DCDC1: variants seen among roughly 807,000 people sequenced by gnomAD.
The protein encoded by DCDC1 is doublecortin domain containing 1.
DCDC1 carries 200 observed loss-of-function variants against 178.3 expected under a neutral mutation model. The observed-to-expected ratio is 1.12, with a 90% CI of 1.00 to 1.26. The LOEUF is 1.26. Ranked by LOEUF, DCDC1 falls within the 50% of genes most tolerant of loss-of-function variation. DCDC1 has a pLI of 0.00. For synonymous variants in DCDC1, 690 were observed against 604.8 expected (o/e 1.14, Z -2.07); for missense variants, 1,983 against 1,749.2 (o/e 1.13, Z -2.38).
intron 21 of DCDC1, among the ~76,000 whole-genome samples, chr11:30,941,953 T>C (rs568482658): frequency 6.6e-5 from 10 of 152,292 alleles, no homozygotes; most frequent in Middle Eastern, 3.4e-3. Context: ...TCTTGCTTGG[T>C]AAACATGTTA....
At chr11:31,127,795 T>C (rs1285195573) in intron 10 of DCDC1, 156 bp from the exon 11 acceptor site, 5 of 515,946 alleles carry the variant, frequency 9.7e-6, no homozygotes, top group African/African-American at 2.0e-5. Context: ...GAAAGAGATA[T>C]ACATTCCTAC....
chr11:31,263,862 A>C (rs1944962841), intron 8 of DCDC1, among the ~76,000 whole-genome samples: 1 of 152,182 alleles, frequency 6.6e-6, no homozygotes, highest in African/African-American at 2.4e-5. Context: ...TCAAGCATGG[A>C]GTTAAAGTTT....
intron 20 of DCDC1, among the ~76,000 whole-genome samples, chr11:30,981,823 G>A (rs1950407141): frequency 6.6e-6 from 1 of 152,042 alleles, no homozygotes; most frequent in African/African-American, 2.4e-5. Flanking sequence ...ATATCCATCT[G>A]GGCTGGAATG....
chr11:31,144,382 C>T (rs1258682898), intron 9 of DCDC1, among the ~76,000 whole-genome samples: 2 of 152,190 alleles, frequency 1.3e-5, no homozygotes, highest in East Asian at 3.9e-4. Flanking sequence ...GGTGATCCAC[C>T]AGCCTCGGCT....
intron 8 of DCDC1, among the ~76,000 whole-genome samples, chr11:31,244,042 T>G (rs1356921063): frequency 6.6e-6 from 1 of 151,664 alleles, no homozygotes; most frequent in African/African-American, 2.4e-5. Context: ...CAAACAATGT[T>G]TCCACTAACT....
intron 20 of DCDC1, among the ~76,000 whole-genome samples, chr11:31,058,436 A>T (rs1955722921): frequency 6.6e-6 from 1 of 152,168 alleles, no homozygotes; most frequent in Non-Finnish European, 1.5e-5. Context: ...CAATTCAGAC[A>T]GTAAATATAT....
At chr11:31,058,550 A>T (rs1231107348) in intron 20 of DCDC1, among the ~76,000 whole-genome samples, 2 of 152,118 alleles carry the variant, frequency 1.3e-5, no homozygotes, top group Non-Finnish European at 2.9e-5. Context: ...AAAGGCCATG[A>T]AGCCAGGGTG....
chr11:30,906,675 C>T lies in DCDC1; in HGVS notation c.3969G>A (p.Leu1323=), dbSNP rs1354980386. The T allele has an allele frequency of 6.2e-7, 1 of 1,613,380 alleles. No individual in the cohort carries two copies. Among genetic ancestry groups the T allele is most frequent in the Non-Finnish European group, 8.5e-7 (1 of 1,179,688 alleles). ...PDGKRKTMLC[L]ACGQSMRTEK... is the part of the protein sequence containing the mutation. ...CTGTTCTCATGGATTGTCCACAAGCCAAGCAGAGCATAGTTTTTCTCTTTC... is the reference window on the plus strand; with the variant it reads ...CTGTTCTCATGGATTGTCCACAAGCTAAGCAGAGCATAGTTTTTCTCTTTC... The change falls in exon 30 of 39, where the codon TTG becomes TTA. Residue 1323 remains leucine (L), a synonymous_variant. Coordinates refer to ENST00000684477, the MANE Select transcript of DCDC1 (RefSeq NM_001387274.1).
chr11:30,999,817 G>A (rs1177030540), intron 20 of DCDC1, among the ~76,000 whole-genome samples: 3 of 151,908 alleles, frequency 2.0e-5, no homozygotes, highest in Non-Finnish European at 4.4e-5. Flanking sequence ...AAATACAAAC[G>A]TCAAATAAAA....
chr11:31,321,377 G>A (rs1173952555), intron 3 of DCDC1, among the ~76,000 whole-genome samples: 1 of 142,494 alleles, frequency 7.0e-6, no homozygotes, highest in Non-Finnish European at 1.5e-5. Context: ...TCTTAAGCCG[G>A]TCTGAAAAGC....
At chr11:30,890,452 A>G (rs906336707) in intron 36 of DCDC1, among the ~76,000 whole-genome samples, 1 of 152,166 alleles carries the variant, frequency 6.6e-6, no homozygotes, top group Non-Finnish European at 1.5e-5. Context: ...TTCCTGATTG[A>G]TTCCTCTGTA....
chr11:30,971,673 G>A (rs1000495410), intron 20 of DCDC1, among the ~76,000 whole-genome samples: 9 of 142,338 alleles, frequency 6.3e-5, no homozygotes, highest in East Asian at 2.1e-4. Context: ...GCAGTGGCGC[G>A]ATCTTGGCTC....
rs1309349152 is a variant in DCDC1, at chr11:30,911,346, C to T, written c.3728G>A (p.Gly1243Asp). ...TCTTACCTGAACAATAACTGGATAG[C>T]CACAAACTTCATTTCTAGTCTTGGT... ...SMTKTRNEVC[G>D]YPVIVQKYKP... The change falls in exon 28 of 39, where the codon GGC becomes GAC. Residue 1243 changes from glycine (G) to aspartate (D), a missense_variant. Transcript: ENST00000684477. The T allele has an allele frequency of 9.3e-6, 15 of 1,604,298 alleles. No individual in the cohort carries two copies. Among genetic ancestry groups the T allele is most frequent in the Non-Finnish European group, 1.1e-5 (13 of 1,175,364 alleles).
intron 1 of DCDC1, among the ~76,000 whole-genome samples, chr11:31,352,731 T>C (rs1428891251): frequency 6.6e-6 from 1 of 152,170 alleles, no homozygotes; most frequent in Non-Finnish European, 1.5e-5. Context: ...CTGCTACCTT[T>C]AGTATTCTAA....
chr11:31,234,370 T>C (rs1237324472), intron 9 of DCDC1, among the ~76,000 whole-genome samples: 1 of 152,228 alleles, frequency 6.6e-6, no homozygotes, highest in Non-Finnish European at 1.5e-5. Flanking sequence ...AAGTTTGTTG[T>C]AAGATTGATG....
At chr11:31,049,891 C>T (rs1247136141) in intron 20 of DCDC1, among the ~76,000 whole-genome samples, 1 of 152,126 alleles carries the variant, frequency 6.6e-6, no homozygotes, top group East Asian at 1.9e-4. Flanking sequence ...CTGCCTGGCA[C>T]CACAGGGATC....
At chr11:30,942,724 T>G (rs1244687868) in intron 21 of DCDC1, among the ~76,000 whole-genome samples, 1 of 152,228 alleles carries the variant, frequency 6.6e-6, no homozygotes, top group Non-Finnish European at 1.5e-5. Context: ...ACATTGGCTT[T>G]GGCACTACTG....
chr11:31,200,658 G>A (rs1971191368), intron 9 of DCDC1, among the ~76,000 whole-genome samples: 1 of 151,644 alleles, frequency 6.6e-6, no homozygotes, highest in South Asian at 2.1e-4. Context: ...TTTTTTAAAG[G>A]AACAAATTTC....
chr11:31,144,291 C>T lies in DCDC1; in HGVS notation c.1222-6507G>A, dbSNP rs182852112. On this transcript the variant is annotated intron_variant, in intron 9 of 38. Transcript: ENST00000684477. ...CTGGGACTACAGGCGCGTGCCACCA[C>T]GCCTGGCTAATATTTTTTTTTTTTA... Among the ~76,000 whole-genome samples the T allele has an allele frequency of 6.0e-3, 918 of 152,072 alleles. 13 individuals are homozygous for T. Among genetic ancestry groups the T allele is most frequent in the African/African-American group, 0.021 (880 of 41,460 alleles).
Sources: allele counts gnomAD v4.1 joint callset (sites outside exome capture counted in the v4.1 genomes callset), GRCh38; gene constraint gnomAD v4.1.1; transcripts MANE v1.5; gene names NCBI Gene and HGNC (gene_info 2026-07-23, HGNC 2026-07-21).